The following GALNT17 variants were observed in gnomAD, a reference collection of about 807,000 sequenced individuals.
GALNT17 encodes polypeptide N-acetylgalactosaminyltransferase 17.
GALNT17 carries 29 observed loss-of-function variants against 63.7 expected under a neutral mutation model. The ratio of observed to expected loss-of-function variants is 0.46; its 90% CI spans 0.34 to 0.62. The LOEUF (loss-of-function observed/expected upper bound fraction) is 0.62. GALNT17 is among the 20% of genes least tolerant of loss of function. The probability of loss-of-function intolerance (pLI) is 0.01; values close to 1 mark genes in which losing one functional copy is unlikely to be tolerated. For synonymous variants in GALNT17, 305 were observed against 318.3 expected (o/e 0.96, Z 0.45); for missense variants, 603 against 799.6 (o/e 0.75, Z 2.97).
chr7:71,413,373 AT>A (rs568007927), intron 3 of GALNT17, among the ~76,000 whole-genome samples: 30 of 148,372 alleles, frequency 2.0e-4, no homozygotes, highest in Admixed American at 3.4e-4. Flanking sequence ...TTTTTATTTT[AT>A]TTTTTTTTTA....
At chr7:71,592,846 C>T (rs1789830069) in intron 6 of GALNT17, among the ~76,000 whole-genome samples, 1 of 152,148 alleles carries the variant, frequency 6.6e-6, no homozygotes, top group South Asian at 2.1e-4. Flanking sequence ...TGTGGAAGCT[C>T]TTACTTAAAT....
intron 3 of GALNT17, among the ~76,000 whole-genome samples, chr7:71,402,121 G>A (rs1486489133): frequency 6.6e-6 from 1 of 152,148 alleles, no homozygotes; most frequent in African/African-American, 2.4e-5. Context: ...TTTCATTCAG[G>A]GTTTTCATTG....
At chr7:71,679,722 G>A (rs150725452) in intron 9 of GALNT17, among the ~76,000 whole-genome samples, 2 of 152,044 alleles carry the variant, frequency 1.3e-5, no homozygotes, top group African/African-American at 4.8e-5. Flanking sequence ...ACCTAAGGAG[G>A]CCTGCACCAA....
intron 1 of GALNT17, among the ~76,000 whole-genome samples, chr7:71,280,820 C>G (rs1790766451): frequency 6.6e-6 from 1 of 152,150 alleles, no homozygotes; most frequent in Admixed American, 6.5e-5. Context: ...GAACCCATCC[C>G]AGGGGATGGG....
chr7:71,409,017 A>ACACACAC (rs374011039), intron 3 of GALNT17, among the ~76,000 whole-genome samples: 5 of 144,854 alleles, frequency 3.5e-5, no homozygotes, highest in Admixed American at 7.0e-5. Flanking sequence ...CACATACACA[A>ACACACAC]ACACACACAC....
At chr7:71,420,158 G>A (rs1229504306) in intron 4 of GALNT17, among the ~76,000 whole-genome samples, 1 of 152,172 alleles carries the variant, frequency 6.6e-6, no homozygotes, top group Non-Finnish European at 1.5e-5. Flanking sequence ...ACACGATGGT[G>A]GAGGTGTCTG....
intron 6 of GALNT17, among the ~76,000 whole-genome samples, chr7:71,663,982 C>T (rs1300401646): frequency 6.6e-6 from 1 of 151,784 alleles, no homozygotes; most frequent in Non-Finnish European, 1.5e-5. Context: ...CCTTTTTTTC[C>T]ACTGGTACTA....
rs186104301 is a variant in GALNT17 at position 71,477,813 on chromosome 7, C to T, written c.962+56708C>T. On this transcript the variant is annotated intron_variant, in intron 5 of 10. Coordinates refer to ENST00000333538, the MANE Select transcript of GALNT17 (RefSeq NM_022479.3). ...CCTGGCTGCCTCTGGTGCCTAAGCC[C>T]ACCCTTCCCAATGTCTATTCAGACC... Among the ~76,000 whole-genome samples, 72 of 152,284 alleles carry T rather than the reference C, an allele frequency of 4.7e-4. 1 individual carries two copies. The East Asian group carries it at 0.012, about 26-fold the overall frequency.
Position 71,697,376 on chromosome 7 carries a change from A to T in GALNT17, c.1501-13385A>T, listed in dbSNP as rs1791561028. Reference sequence around the variant, plus strand: ...TCTCAGAATAGTCTGGAATTTTGGGAGGAAATATTTAGAGGCAGGAATCGG... The same window carrying T: ...TCTCAGAATAGTCTGGAATTTTGGGTGGAAATATTTAGAGGCAGGAATCGG... On this transcript the variant is annotated intron_variant, in intron 9 of 10. Transcript: ENST00000333538. Among the ~76,000 whole-genome samples, 3 of 152,228 alleles carry T rather than the reference A, an allele frequency of 2.0e-5. No homozygotes were observed. In the South Asian group the frequency reaches 6.2e-4, roughly 32 times the overall value.
At chr7:71,539,707 CTTTTTTT>C (rs71089953) in intron 5 of GALNT17, among the ~76,000 whole-genome samples, 1 of 71,416 alleles carries the variant, frequency 1.4e-5, no homozygotes, top group Non-Finnish European at 2.4e-5. Context: ...TTAGTCCCAC[CTTTTTTT>C]TTTTTTTTTT....
intron 5 of GALNT17, among the ~76,000 whole-genome samples, chr7:71,439,782 G>A (rs1563094105): frequency 6.6e-6 from 1 of 152,104 alleles, no homozygotes. Context: ...ATTTTATGGA[G>A]CTGATCTGTG....
chr7:71,585,454 T>C (rs1789701074), intron 6 of GALNT17, among the ~76,000 whole-genome samples: 2 of 152,346 alleles, frequency 1.3e-5, no homozygotes, highest in African/African-American at 4.8e-5. Context: ...AAAGTAACTT[T>C]TCCTACTCAA....
At chr7:71,298,501 G>T (rs936327215) in intron 1 of GALNT17, among the ~76,000 whole-genome samples, 2 of 152,158 alleles carry the variant, frequency 1.3e-5, no homozygotes, top group Non-Finnish European at 1.5e-5. Flanking sequence ...GCATGGACGC[G>T]AGTCTTACAC....
At chr7:71,702,095 A>G (rs1240983987) in intron 9 of GALNT17, among the ~76,000 whole-genome samples, 1 of 151,800 alleles carries the variant, frequency 6.6e-6, no homozygotes, top group African/African-American at 2.4e-5. Context: ...CATTGGACAT[A>G]GAAATGGAAA....
At chr7:71,593,801 T>C (rs1433025482) in intron 6 of GALNT17, among the ~76,000 whole-genome samples, 1 of 152,210 alleles carries the variant, frequency 6.6e-6, no homozygotes, top group African/African-American at 2.4e-5. Flanking sequence ...CATTCAAGTT[T>C]AGAAATACAG....
At chr7:71,632,801 C>T (rs1034144883) in intron 6 of GALNT17, among the ~76,000 whole-genome samples, 1 of 152,042 alleles carries the variant, frequency 6.6e-6, no homozygotes, top group Non-Finnish European at 1.5e-5. Context: ...TTAAACATTG[C>T]ATCAAAATAC....
chr7:71,660,560 C>CAGCTGTACTTGGGATACTCA (rs1260573948), intron 6 of GALNT17, among the ~76,000 whole-genome samples: 1 of 152,198 alleles, frequency 6.6e-6, no homozygotes, highest in Non-Finnish European at 1.5e-5. Flanking sequence ...TTCTTGGGAC[C>CAGCTGTACTTGGGATACTCA]AGCTGTACTT....
intron 1 of GALNT17, among the ~76,000 whole-genome samples, chr7:71,254,269 A>T (rs1290471611): frequency 2.0e-5 from 3 of 152,172 alleles, no homozygotes; most frequent in Non-Finnish European, 4.4e-5. Context: ...TATCATGCAG[A>T]TGAAGCCTCC....
At chr7:71,212,621 G>A (rs1332694069) in intron 1 of GALNT17, among the ~76,000 whole-genome samples, 1 of 152,090 alleles carries the variant, frequency 6.6e-6, no homozygotes, top group South Asian at 2.1e-4. Context: ...GCAGCCAGGA[G>A]GGGGGGCTAT....
Sources: allele counts gnomAD v4.1 joint callset (sites outside exome capture counted in the v4.1 genomes callset), GRCh38; gene constraint gnomAD v4.1.1; transcripts MANE v1.5; gene names NCBI Gene and HGNC (gene_info 2026-07-23, HGNC 2026-07-21).